The following ZNRF2 variants were observed in gnomAD, a reference collection of about 807,000 sequenced individuals.
The protein encoded by ZNRF2 is zinc and ring finger 2.
In ZNRF2, 16 loss-of-function variants were observed where a neutral mutation model predicts 20.4. The ratio of observed to expected loss-of-function variants is 0.79; its 90% CI spans 0.53 to 1.19. The LOEUF is 1.19. ZNRF2 is among the 50% of genes most tolerant of loss of function. The pLI is 0.00. For missense variants in ZNRF2, 363 were observed against 332.4 expected, an observed-to-expected ratio of 1.09 and a Z score of -0.72; for synonymous variants, 178 against 144.9, an observed-to-expected ratio of 1.23 and a Z score of -1.64.
At chr7:30,342,674 G>C (rs2127952609) in intron 2 of ZNRF2, among the ~76,000 whole-genome samples, 1 of 152,132 alleles carries the variant, frequency 6.6e-6, no homozygotes, top group South Asian at 2.1e-4. Flanking sequence ...CCTTAGGTAT[G>C]CGTTTTCTGA....
intron 1 of ZNRF2, among the ~76,000 whole-genome samples, chr7:30,301,408 G>C (rs1332129324): frequency 2.0e-5 from 3 of 152,038 alleles, no homozygotes; most frequent in Non-Finnish European, 4.4e-5. Flanking sequence ...GCTTAAACCC[G>C]GGTGGTGGAG....
In ZNRF2 at chr7:30,285,430, T is replaced by A; in HGVS notation, c.73T>A (p.Ser25Thr). The A allele has an allele frequency of 8.3e-7, 1 of 1,206,980 alleles. No individual in the cohort carries two copies. The allele number at this position is 1,206,980 out of a possible 1,614,324, so 74.8% of individuals were successfully genotyped here. A position where few individuals can be genotyped will look rare whatever the true frequency, so the allele number is the denominator to read the frequency against. ...TRAYSGSDLP[S>T]SSSGGANGTA... Reference sequence around the variant, plus strand: ...CGCGTACTCGGGCTCGGATCTACCTTCCAGTAGCAGCGGAGGCGCCAATGG... The same window carrying A: ...CGCGTACTCGGGCTCGGATCTACCTACCAGTAGCAGCGGAGGCGCCAATGG... Residue 25 changes from serine (S) to threonine (T), a missense_variant, in exon 1 of 5, where the codon TCC becomes ACC. By Grantham distance (58) the Ser-to-Thr change is moderately conservative. Around this residue, in one of 2 missense-constraint regions of ZNRF2, gnomAD observed 302 missense variants for 231.5 expected, o/e 1.30. Coordinates refer to ENST00000323037, the MANE Select transcript of ZNRF2 (RefSeq NM_147128.4).
intron 2 of ZNRF2, among the ~76,000 whole-genome samples, chr7:30,339,876 T>C (rs1799769580): frequency 6.6e-6 from 1 of 152,242 alleles, no homozygotes; most frequent in Non-Finnish European, 1.5e-5. Flanking sequence ...TTTCACAATA[T>C]TGATTCTTCC....
chr7:30,335,894 G>T (rs181095847), intron 2 of ZNRF2, among the ~76,000 whole-genome samples: 4 of 152,202 alleles, frequency 2.6e-5, no homozygotes, highest in South Asian at 4.1e-4. Flanking sequence ...GTGTTGGAAG[G>T]GGGGAAAGAG....
In ZNRF2 at chr7:30,367,498, C is replaced by A. The variant is rs1267794440; in HGVS notation, c.*1486C>A. On this transcript the variant is annotated 3_prime_UTR_variant, in exon 5 of 5. Coordinates refer to ENST00000323037, the MANE Select transcript of ZNRF2 (RefSeq NM_147128.4). ...GTACTGTTTCCTTATTTTAATCTTT[C>A]TTTACTCATAATGTATTTAAGAATT... 1 of 151,978 alleles carries A rather than the reference C, an allele frequency of 6.6e-6. No individual in the cohort carries two copies. The highest frequency in any genetic ancestry group is 1.9e-4 in the East Asian group (1 of 5,192). The allele number at this position is 151,978 out of a possible 1,614,324, so 9.4% of individuals were successfully genotyped here.
At chr7:30,326,049 T>C (rs1799545113) in intron 2 of ZNRF2, among the ~76,000 whole-genome samples, 1 of 152,174 alleles carries the variant, frequency 6.6e-6, no homozygotes, top group South Asian at 2.1e-4. Context: ...TATAATAATA[T>C]ATTTACACAC....
chr7:30,362,066 GA>G (rs1173005186), intron 3 of ZNRF2, among the ~76,000 whole-genome samples: 1 of 152,082 alleles, frequency 6.6e-6, no homozygotes, highest in Non-Finnish European at 1.5e-5. Flanking sequence ...GTTTTGAAAA[GA>G]AAAATTATGC....
intron 1 of ZNRF2, among the ~76,000 whole-genome samples, chr7:30,314,825 T>G (rs1052488131): frequency 4.7e-5 from 7 of 147,786 alleles, no homozygotes; most frequent in Non-Finnish European, 1.1e-4. Flanking sequence ...ATGTATGTAT[T>G]TTTTTTTTTT....
Position 30,284,675 on chromosome 7 carries a change from T to TG in ZNRF2, c.-683_-682insG, listed in dbSNP as rs996416461. The stretch of plus-strand genomic sequence containing the variant: ...GCGGGGCCGGGGAACCTCCTCCCCA[T>TG]CTGCGCACCCCCCGCCTTCGCGGCC... On this transcript the variant is annotated 5_prime_UTR_variant, in exon 1 of 5. In the 5' UTR this introduces an upstream ATG that the reference lacks. Transcript: ENST00000323037. The TG allele has an allele frequency of 1.3e-5, 2 of 156,510 alleles. No individual in the cohort carries two copies. Among genetic ancestry groups the TG allele is most frequent in the African/African-American group, 4.8e-5 (2 of 41,538 alleles). The allele number at this position is 156,510 out of a possible 1,614,324, so 9.7% of individuals were successfully genotyped here.
chr7:30,325,097 A>T (rs1799532378), intron 2 of ZNRF2, among the ~76,000 whole-genome samples: 1 of 152,232 alleles, frequency 6.6e-6, no homozygotes, highest in Non-Finnish European at 1.5e-5. Flanking sequence ...AAAGATTTTA[A>T]ATGTAGCCTT....
At chr7:30,311,127 C>T (rs1234469716) in intron 1 of ZNRF2, among the ~76,000 whole-genome samples, 2 of 152,130 alleles carry the variant, frequency 1.3e-5, no homozygotes, top group Non-Finnish European at 2.9e-5. Flanking sequence ...TGTAAGCCTC[C>T]AGTAAAACCC....
At chr7:30,360,069 C>G (rs1194200468) in intron 3 of ZNRF2, among the ~76,000 whole-genome samples, 1 of 152,304 alleles carries the variant, frequency 6.6e-6, no homozygotes, top group Non-Finnish European at 1.5e-5. Context: ...AGTACATATT[C>G]TACAACTCAG....
chr7:30,328,637 C>T (rs1799589516), intron 2 of ZNRF2, among the ~76,000 whole-genome samples: 1 of 152,136 alleles, frequency 6.6e-6, no homozygotes, highest in South Asian at 2.1e-4. Context: ...GACTCTTTGT[C>T]ACAGAGATGA....
chr7:30,320,584 G>A (rs1010253776), intron 1 of ZNRF2, among the ~76,000 whole-genome samples: 1 of 152,034 alleles, frequency 6.6e-6, no homozygotes, highest in African/African-American at 2.4e-5. Flanking sequence ...AATGAAACTC[G>A]GTGGTGCTGA....
intron 2 of ZNRF2, among the ~76,000 whole-genome samples, chr7:30,342,897 T>G (rs1246405474): frequency 2.0e-5 from 3 of 152,146 alleles, no homozygotes; most frequent in Non-Finnish European, 4.4e-5. Flanking sequence ...AGGACTTTTT[T>G]CCCCCTGGTT....
intron 1 of ZNRF2, among the ~76,000 whole-genome samples, chr7:30,295,165 T>A (rs1798998191): frequency 6.7e-6 from 1 of 150,322 alleles, no homozygotes; most frequent in Non-Finnish European, 1.5e-5. Context: ...GCCTTGAGAC[T>A]CTCTGTACTT....
chr7:30,323,694 G>C lies in ZNRF2; in HGVS notation c.522G>C (p.Leu174Phe), dbSNP rs1799510130. ...TTGTATCCTCAGATGAAATGGATTT[G>C]CATCTTGTAATGTGTTTAACAAAGC... ...SKFVSSDEMD[L>F]HLVMCLTKPR... The change falls in exon 2 of 5, where the codon TTG (leucine) becomes TTC (phenylalanine). Residue 174 changes from leucine (L) to phenylalanine (F), a missense_variant. Physicochemically the swap from Leu to Phe is conservative, Grantham distance 22 (BLOSUM62 0). This residue lies in a region of ZNRF2 where 61 missense variants were observed against 100.9 expected (regional missense o/e 0.60). Transcript: ENST00000323037. The C allele has an allele frequency of 6.2e-7, 1 of 1,600,286 alleles. No homozygotes were observed. Among genetic ancestry groups the C allele is most frequent in the African/African-American group, 1.3e-5 (1 of 74,100 alleles).
chr7:30,334,870 T>G (rs1298625539), intron 2 of ZNRF2, among the ~76,000 whole-genome samples: 1 of 152,178 alleles, frequency 6.6e-6, no homozygotes, highest in Non-Finnish European at 1.5e-5. Context: ...AACAGACAGA[T>G]TGCTTACTAG....
chr7:30,285,512 A>C lies in ZNRF2; in HGVS notation c.155A>C (p.Gln52Pro), dbSNP rs1370286948. ...GCCGCCGCGGGGAGGTTCCCGGCTC[A>C]GGTGCCCAGCGCGCACCAGCCCAGC... Reference protein sequence around the residue: ...RAAAAGRFPAQVPSAHQPSAS... With the variant: ...RAAAAGRFPAPVPSAHQPSAS... The change falls in exon 1 of 5, where the codon CAG (glutamine) becomes CCG (proline). Residue 52 changes from glutamine to proline, a missense_variant. Gln to Pro is a moderately conservative substitution (Grantham distance 76). Coordinates refer to ENST00000323037, the MANE Select transcript of ZNRF2 (RefSeq NM_147128.4). 9.7e-7 allele frequency: 1 copy of C among 1,034,178 alleles called. No individual in the cohort carries two copies. Among genetic ancestry groups the C allele is most frequent in the Non-Finnish European group, 1.2e-6 (1 of 865,502 alleles). The allele number at this position is 1,034,178 out of a possible 1,614,324, so 64.1% of individuals were successfully genotyped here.
Sources: gnomAD v4.1 joint callset for allele counts (sites outside exome capture counted in the v4.1 genomes callset) on GRCh38, gnomAD v4.1.1 for gene constraint, gnomAD v4.1.1 regional missense constraint, MANE v1.5 for transcripts, NCBI Gene and HGNC (gene_info 2026-07-23, HGNC 2026-07-21) for gene names.